Variants in SIPA1L3 observed in about 807,000 individuals in gnomAD.
The protein encoded by SIPA1L3 is signal-induced proliferation-associated 1-like protein 3.
In SIPA1L3, 59 loss-of-function variants were observed where a neutral mutation model predicts 150.1. The ratio of observed to expected loss-of-function variants is 0.39; its 90% CI spans 0.32 to 0.49. The LOEUF (loss-of-function observed/expected upper bound fraction) is 0.49, where lower values mean the gene tolerates loss of function less well. SIPA1L3 is among the 20% of genes least tolerant of loss of function. The pLI is 0.86. For synonymous variants in SIPA1L3, 1,070 were observed against 1,077.6 expected (o/e 0.99, Z 0.14); for missense variants, 2,211 against 2,489.5 (o/e 0.89, Z 2.38).
chr19:38,170,200 A>G (rs907925632), intron 15 of SIPA1L3, among the ~76,000 whole-genome samples: 2 of 152,274 alleles, frequency 1.3e-5, no homozygotes, highest in Non-Finnish European at 2.9e-5. Flanking sequence ...GTCCAGACAG[A>G]GAATGAGACG....
intron 1 of SIPA1L3, among the ~76,000 whole-genome samples, chr19:37,982,594 CTAGT>C (rs1967229256): frequency 6.6e-6 from 1 of 152,176 alleles, no homozygotes; most frequent in African/African-American, 2.4e-5. Flanking sequence ...GGTCACAAAG[CTAGT>C]TAGGGGCAGC....
chr19:38,116,892 C>G (rs530135481), intron 8 of SIPA1L3, among the ~76,000 whole-genome samples: 1 of 152,170 alleles, frequency 6.6e-6, no homozygotes, highest in East Asian at 1.9e-4. Flanking sequence ...AAGAACATAA[C>G]TCACCTGCCC....
At chr19:37,974,843 C>T (rs941750358) in intron 1 of SIPA1L3, among the ~76,000 whole-genome samples, 9 of 152,200 alleles carry the variant, frequency 5.9e-5, no homozygotes, top group Admixed American at 5.9e-4. Flanking sequence ...TAGGCCAGCC[C>T]TTCTCCCTTA....
rs1334047187 is a variant in SIPA1L3, at chr19:38,035,014, C to T, written c.-311+5858C>T. 2.0e-5 allele frequency among the ~76,000 whole-genome samples: 3 copies of T among 152,302 alleles called. 1 individual carries two copies. The highest frequency in any genetic ancestry group is 4.4e-5 in the Non-Finnish European group (3 of 68,024). ...CCATCCGGTGAGGGAAGCAGACCTT[C>T]AGACCCCAGAGTGGTCAGGTCTGTG... On this transcript the variant is annotated intron_variant, in intron 2 of 21. Coordinates refer to ENST00000222345, the MANE Select transcript of SIPA1L3 (RefSeq NM_015073.3).
intron 2 of SIPA1L3, among the ~76,000 whole-genome samples, chr19:38,059,786 CTT>C (rs572995144): frequency 1.3e-5 from 2 of 150,948 alleles, no homozygotes; most frequent in African/African-American, 4.9e-5. Context: ...TTTTTTTTTC[CTT>C]TTTTTTGAGA....
In SIPA1L3 at chr19:38,082,208, G is replaced by A. The variant is rs375183233; in HGVS notation, c.643G>A (p.Glu215Lys). ...TSSIDVQGMPEQSFFDILNEF... is the reference protein window; with the variant it reads ...TSSIDVQGMPKQSFFDILNEF... Reference sequence around the variant, plus strand: ...GTCCATCGACGTGCAGGGCATGCCCGAGCAGAGCTTCTTCGACATCCTGAA... The same window carrying A: ...GTCCATCGACGTGCAGGGCATGCCCAAGCAGAGCTTCTTCGACATCCTGAA... The change falls in exon 3 of 22, where the codon GAG (glutamate) becomes AAG (lysine). Residue 215 changes from glutamate to lysine, a missense_variant. Physicochemically the swap from Glu to Lys is moderately conservative, Grantham distance 56. This residue lies in a region of SIPA1L3 where 587 missense variants were observed against 534.5 expected (regional missense o/e 1.10). Transcript: ENST00000222345. 11 of 1,602,964 alleles carry A rather than the reference G, an allele frequency of 6.9e-6. No individual in the cohort carries two copies. The highest frequency in any genetic ancestry group is 2.7e-5 in the African/African-American group (2 of 74,984).
intron 1 of SIPA1L3, among the ~76,000 whole-genome samples, chr19:37,922,457 G>A (rs1309216715): frequency 6.6e-6 from 1 of 150,958 alleles, no homozygotes; most frequent in African/African-American, 2.4e-5. Flanking sequence ...GCAGTGGTGC[G>A]ATCTTGGCTA....
At position 38,193,702 on chromosome 19, in the gene SIPA1L3, C is replaced by T. The variant is rs1223257634; in HGVS notation, c.4762C>T (p.Arg1588Cys). The T allele has an allele frequency of 9.5e-6, 15 of 1,571,676 alleles. No individual in the cohort carries two copies. The highest frequency in any genetic ancestry group is 4.6e-5 in the South Asian group (4 of 87,424). ...AFPSSTLPARRQHQHPHPPVG... is the reference protein window; with the variant it reads ...AFPSSTLPARCQHQHPHPPVG... Reference sequence around the variant, plus strand: ...CCCGTCCAGCACGCTGCCTGCACGCCGCCAGCACCAGCACCCCCACCCGCC... The same window carrying T: ...CCCGTCCAGCACGCTGCCTGCACGCTGCCAGCACCAGCACCCCCACCCGCC... Residue 1588 changes from arginine (R) to cysteine (C), a missense_variant, in exon 18 of 22, where the codon CGC becomes TGC. Arg to Cys is a radical substitution (Grantham distance 180, BLOSUM62 -3). Transcript: ENST00000222345.
intron 18 of SIPA1L3, among the ~76,000 whole-genome samples, chr19:38,197,609 C>A (rs1225494655): frequency 1.3e-5 from 2 of 151,996 alleles, no homozygotes; most frequent in African/African-American, 4.8e-5. Flanking sequence ...CTTGGAATGT[C>A]CAGGGCCATC....
At chr19:38,052,017 C>T (rs1433503714) in intron 2 of SIPA1L3, among the ~76,000 whole-genome samples, 1 of 152,244 alleles carries the variant, frequency 6.6e-6, no homozygotes, top group African/African-American at 2.4e-5. Context: ...AGTCTTGTTT[C>T]ATCCATTCCT....
chr19:38,111,024 G>GGT (rs1366349517), intron 8 of SIPA1L3, among the ~76,000 whole-genome samples: 3 of 138,260 alleles, frequency 2.2e-5, no homozygotes, highest in African/African-American at 8.4e-5. Flanking sequence ...GTTGTTTTGG[G>GGT]TTTTTTTTTT....
intron 1 of SIPA1L3, among the ~76,000 whole-genome samples, chr19:38,000,437 C>T (rs1967754060): frequency 7.0e-6 from 1 of 142,940 alleles, no homozygotes; most frequent in Non-Finnish European, 1.5e-5. Flanking sequence ...TACTGCATTC[C>T]AGCCTGGGCA....
At chr19:37,991,747 C>T (rs1967514004) in intron 1 of SIPA1L3, among the ~76,000 whole-genome samples, 1 of 152,196 alleles carries the variant, frequency 6.6e-6, no homozygotes, top group South Asian at 2.1e-4. Flanking sequence ...AGATGACCCT[C>T]CACCTGATGC....
chr19:38,201,349 C>T (rs1323698135), intron 19 of SIPA1L3, among the ~76,000 whole-genome samples: 1 of 152,226 alleles, frequency 6.6e-6, no homozygotes, highest in Non-Finnish European at 1.5e-5. Flanking sequence ...CAGCCCCGTG[C>T]GATTTCTTTT....
At chr19:38,115,115 C>G (rs575780092) in intron 8 of SIPA1L3, among the ~76,000 whole-genome samples, 1 of 152,176 alleles carries the variant, frequency 6.6e-6, no homozygotes, top group Non-Finnish European at 1.5e-5. Context: ...AGAGCAGGAA[C>G]CTTTATCCAC....
intron 19 of SIPA1L3, among the ~76,000 whole-genome samples, chr19:38,199,552 C>T (rs1027718909): frequency 6.6e-6 from 1 of 152,162 alleles, no homozygotes. Flanking sequence ...TCACAGTCGC[C>T]TAGGGAGCTT....
At chr19:37,910,528 C>G (rs1445758845) in intron 1 of SIPA1L3, among the ~76,000 whole-genome samples, 6 of 130,176 alleles carry the variant, frequency 4.6e-5, no homozygotes, top group Non-Finnish European at 8.2e-5. Context: ...GACCCTGTCT[C>G]AGAAAAAAAA....
In SIPA1L3 at chr19:38,206,927, G is replaced by A. The variant is rs939652957; in HGVS notation, c.*687G>A. On this transcript the variant is annotated 3_prime_UTR_variant, in exon 22 of 22. Coordinates refer to ENST00000222345, the MANE Select transcript of SIPA1L3 (RefSeq NM_015073.3). ...GCCTCCAGAGCCGATTTATTTGAGA[G>A]AGAAACTCTATTTGGATCTCCAGGA... 6.6e-6 allele frequency: 1 copy of A among 152,538 alleles called. No homozygotes were observed. The highest frequency in any genetic ancestry group is 2.4e-5 in the African/African-American group (1 of 41,440). 9.4% of individuals were successfully genotyped at this position (152,538 alleles called of 1,614,324 possible).
intron 1 of SIPA1L3, among the ~76,000 whole-genome samples, chr19:37,983,276 C>T (rs746047454): frequency 2.0e-4 from 30 of 152,306 alleles, no homozygotes; most frequent in East Asian, 3.9e-4. Flanking sequence ...CCTGGAGCCA[C>T]GTGCTGGGAG....
Sources: gnomAD v4.1 joint callset for allele counts (sites outside exome capture counted in the v4.1 genomes callset) on GRCh38, gnomAD v4.1.1 for gene constraint, gnomAD v4.1.1 regional missense constraint, MANE v1.5 for transcripts, NCBI Gene and HGNC (gene_info 2026-07-23, HGNC 2026-07-21) for gene names.